ESS2: variants seen among roughly 807,000 people sequenced by gnomAD.
ESS2 encodes splicing factor ESS-2 homolog.
Under a neutral mutation model 52.0 loss-of-function variants are expected in ESS2, and 31 were observed. That is an observed-to-expected ratio of 0.60 (90% CI 0.45 to 0.81). The LOEUF (loss-of-function observed/expected upper bound fraction) is 0.81, where lower values mean the gene tolerates loss of function less well. Among genes scored for constraint, ESS2 ranks in the 30% least tolerant of loss-of-function variants. ESS2 has a pLI of 0.00. For missense variants in ESS2, 602 were observed against 637.2 expected (o/e 0.94, Z 0.59); for synonymous variants, 285 against 259.2 (o/e 1.10, Z -0.95).
chr22:19,144,518 T>G lies in ESS2; in HGVS notation c.123A>C (p.Glu41Asp), dbSNP rs1442997855. Reference protein sequence around the residue: ...ATSKQRVLDEEEYIEGLQTVI... With the variant: ...ATSKQRVLDEDEYIEGLQTVI... ...ACCGAGGTCGTACCTCGATATACTCTTCCTCGTCCAGGACCCGCTGCTTGC... is the reference window on the plus strand; with the variant it reads ...ACCGAGGTCGTACCTCGATATACTCGTCCTCGTCCAGGACCCGCTGCTTGC... Residue 41 changes from glutamate to aspartate, a missense_variant, in exon 1 of 10, where the codon GAA becomes GAC. By Grantham distance (45) the Glu-to-Asp change is conservative. Transcript: ENST00000252137. 8.1e-6 allele frequency: 13 copies of G among 1,610,590 alleles called. No individual in the cohort carries two copies. The highest frequency in any genetic ancestry group is 1.1e-5 in the Non-Finnish European group (13 of 1,178,826).
chr22:19,138,432 T>C (rs1218920136), intron 6 of ESS2, 115 bp from the exon 7 acceptor site: 2 of 997,422 alleles, frequency 2.0e-6, no homozygotes, highest in African/African-American at 3.2e-5. Context: ...AGGGCAAGGC[T>C]GGGGCTCTGG....
At chr22:19,134,553 C>T (rs2083548285) in intron 9 of ESS2, 78 bp from the exon 10 acceptor site, 2 of 1,402,690 alleles carry the variant, frequency 1.4e-6, no homozygotes. Flanking sequence ...CCTTGGCTCC[C>T]AGGAAGAGCC....
chr22:19,134,385 C>A lies in ESS2; in HGVS notation c.1242G>T (p.Leu414=). 1 of 1,611,804 alleles carries A rather than the reference C, an allele frequency of 6.2e-7. No homozygotes were observed. Among genetic ancestry groups the A allele is most frequent in the Non-Finnish European group, 8.5e-7 (1 of 1,179,190 alleles). Residue 414 remains leucine (L), a synonymous_variant, in exon 10 of 10, where the codon CTG becomes CTT. Transcript: ENST00000252137. The part of the protein sequence containing the change: ...RTASKYTDRA[L]RASYTPSPAR... ...CTGGGGATGGTGTGTAGCTGGCCCG[C>A]AGGGCCCGGTCTGTGTACTTGCTGG... is the stretch of plus-strand genomic sequence containing the variant.
rs962807666 is a variant in ESS2 at position 19,134,290 on chromosome 22, G to A, written c.1337C>T (p.Ser446Phe). 1.7e-5 allele frequency: 27 copies of A among 1,599,100 alleles called. No homozygotes were observed. The highest frequency in any genetic ancestry group is 2.3e-5 in the East Asian group (1 of 44,422). ...CTGTGTGAGAGGGGTGCGTGTGGCAGAGCCAGGCGCCGGTGTGCTTGTGGG... is the reference window on the plus strand; with the variant it reads ...CTGTGTGAGAGGGGTGCGTGTGGCAAAGCCAGGCGCCGGTGTGCTTGTGGG... ...QTPTSTPAPG[S>F]ATRTPLTQDP... is the part of the protein sequence containing the mutation. The change falls in exon 10 of 10, where the codon TCT (serine) becomes TTT (phenylalanine). Residue 446 changes from serine (S) to phenylalanine (F), a missense_variant. Ser to Phe is a radical substitution (Grantham distance 155). Transcript: ENST00000252137.
chr22:19,132,189 G>C lies in ESS2; in HGVS notation c.*2007C>G. The C allele has an allele frequency of 1.2e-6, 2 of 1,613,106 alleles. No homozygotes were observed. Among genetic ancestry groups the C allele is most frequent in the South Asian group, 2.2e-5 (2 of 91,054 alleles). ...CGACGTCAGCCAGCGGCTCCACATCGATGAGATCCTCAGCCACTCGTGGCT... is the reference window on the plus strand; with the variant it reads ...CGACGTCAGCCAGCGGCTCCACATCCATGAGATCCTCAGCCACTCGTGGCT... On this transcript the variant is annotated 3_prime_UTR_variant, in exon 10 of 10. Transcript: ENST00000252137. This position sits in a 1 kb window ranked among gnomAD's most constrained non-coding sequence, Gnocchi z 4.2.
chr22:19,138,863 G>C (rs559272360), intron 6 of ESS2, among the ~76,000 whole-genome samples: 1 of 152,150 alleles, frequency 6.6e-6, no homozygotes, highest in African/African-American at 2.4e-5. Context: ...TTCCCTGCCC[G>C]GTGTGTGGGC....
At chr22:19,138,425 G>A (rs140446137) in intron 6 of ESS2, 108 bp from the exon 7 acceptor site, 11,395 of 1,060,446 alleles carry the variant, frequency 0.011, 79 homozygotes, top group Non-Finnish European at 0.014. Flanking sequence ...TCTCCTCAGG[G>A]CAAGGCTGGG....
rs756466071 is a variant in ESS2, at chr22:19,132,043, C to T, written c.*2153G>A. 1.2e-6 allele frequency: 2 copies of T among 1,613,970 alleles called. No individual in the cohort carries two copies. The highest frequency in any genetic ancestry group is 1.7e-6 in the Non-Finnish European group (2 of 1,179,998). ...TACATCATGGTCTGCGGCTCCATGC[C>T]CTATGACGACTCCGACATCAGGAAG... On this transcript the variant is annotated 3_prime_UTR_variant, in exon 10 of 10. Coordinates refer to ENST00000252137, the MANE Select transcript of ESS2 (RefSeq NM_022719.3). The surrounding 1 kb of genome is among the most constrained non-coding windows in gnomAD (Gnocchi z 4.2).
chr22:19,137,801 C>T (rs985993322), intron 7 of ESS2: 3 of 985,410 alleles, frequency 3.0e-6, no homozygotes, highest in Non-Finnish European at 3.6e-6. Flanking sequence ...CACCAGCACC[C>T]AAGAGCACAG....
At chr22:19,142,925 G>A (rs1193163795) in intron 1 of ESS2, 31 bp from the exon 2 acceptor site, 16 of 1,595,818 alleles carry the variant, frequency 1.0e-5, no homozygotes, top group Middle Eastern at 1.7e-4. Flanking sequence ...GAAAGTCAGA[G>A]GCCAGGCGCG....
chr22:19,136,955 C>T (rs1464091275), intron 8 of ESS2, among the ~76,000 whole-genome samples: 1 of 152,132 alleles, frequency 6.6e-6, no homozygotes, highest in Non-Finnish European at 1.5e-5. Context: ...CAGCGTGTCC[C>T]AATCGTGTTC....
Position 19,134,310 on chromosome 22 carries a change from T to C in ESS2, c.1317A>G (p.Thr439=), listed in dbSNP as rs770720252. The part of the protein sequence containing the change: ...KTPASGLQTP[T]STPAPGSATR... ...TGGCAGAGCCAGGCGCCGGTGTGCT[T>C]GTGGGGGTCTGCAGCCCACTGGCCG... The change falls in exon 10 of 10, where the codon ACA becomes ACG. Residue 439 remains threonine, a synonymous_variant. Coordinates refer to ENST00000252137, the MANE Select transcript of ESS2 (RefSeq NM_022719.3). 2.4e-5 allele frequency: 39 copies of C among 1,607,820 alleles called. No individual in the cohort carries two copies. The highest frequency in any genetic ancestry group is 3.0e-5 in the Non-Finnish European group (35 of 1,176,956).
Position 19,131,304 on chromosome 22 carries a change from A to T in ESS2, c.*2892T>A. 1 of 1,149,080 alleles carries T rather than the reference A, an allele frequency of 8.7e-7. No individual in the cohort carries two copies. The highest frequency in any genetic ancestry group is 1.2e-6 in the Non-Finnish European group (1 of 800,560). 71.2% of individuals were successfully genotyped at this position (1,149,080 alleles called of 1,614,324 possible). A position where few individuals can be genotyped will look rare whatever the true frequency, so the allele number is the denominator to read the frequency against. On this transcript the variant is annotated 3_prime_UTR_variant, in exon 10 of 10. Coordinates refer to ENST00000252137, the MANE Select transcript of ESS2 (RefSeq NM_022719.3). This position sits in a 1 kb window ranked among gnomAD's most constrained non-coding sequence, Gnocchi z 5.7. ...GTCGAAGCCCAGCCCAGGGCAGCCC[A>T]GCCAGACGCCTCCGGTAGTGTAAAT...
intron 2 of ESS2, 31 bp downstream of exon 2, chr22:19,142,695 C>T (rs754048167): frequency 8.2e-5 from 132 of 1,610,116 alleles, no homozygotes; most frequent in Non-Finnish European, 1.0e-4. Context: ...AGCAGGCTTT[C>T]CCCTCTCCGC....
At chr22:19,137,476 C>T in intron 7 of ESS2, 44 bp from the exon 8 acceptor site, 1 of 1,401,136 alleles carries the variant, frequency 7.1e-7, no homozygotes, top group Non-Finnish European at 9.9e-7. Context: ...AGAGGACTCC[C>T]CACCACCCTC....
At chr22:19,140,093 C>A in intron 3 of ESS2, 69 bp from the exon 4 acceptor site, 1 of 1,570,218 alleles carries the variant, frequency 6.4e-7, no homozygotes, top group Non-Finnish European at 8.7e-7. Context: ...ACACCCAGGC[C>A]CAGGAATCAT....
At position 19,144,622 on chromosome 22, in the gene ESS2, A is replaced by C. The variant is rs114771984; in HGVS notation, c.19T>G (p.Ser7Ala). 1.5e-3 allele frequency: 2,316 copies of C among 1,542,878 alleles called. 38 individuals are homozygous for C. In the African/African-American group the frequency reaches 0.028, roughly 19 times the overall value. The change falls in exon 1 of 10, where the codon TCA becomes GCA. Residue 7 changes from serine to alanine, a missense_variant. Ser to Ala is a moderately conservative substitution (Grantham distance 99, BLOSUM62 1). Transcript: ENST00000252137. METPGA[S>A]ASSLLLPAAS... ...GCGGGAAGCAACAAGGACGACGCTG[A>C]TGCGCCCGGCGTCTCCATCGCTATC...
Position 19,143,202 on chromosome 22 carries a change from C to CAAA in ESS2, c.136-311_136-309dup, listed in dbSNP as rs10632625. Among the ~76,000 whole-genome samples the CAAA allele has an allele frequency of 5.2e-4, 59 of 112,898 alleles. 1 individual carries two copies. The East Asian group carries it at 8.3e-3, about 16-fold the overall frequency. The allele number at this position is 112,898 out of a possible 152,430, so 74.1% of individuals were successfully genotyped here. On this transcript the variant is annotated intron_variant, in intron 1 of 9. Transcript: ENST00000252137. ...CCTGGGCGACAGAGCGAGACCGTCT[C>CAAA]AAAAAAAAAAAAAAAAAAGAAAAAA...
In ESS2 at chr22:19,144,006, T is replaced by C. The variant is rs2083741110; in HGVS notation, c.135+500A>G. 3 of 986,278 alleles carry C rather than the reference T, an allele frequency of 3.0e-6. No homozygotes were observed. In the South Asian group the frequency reaches 1.4e-4, roughly 45 times the overall value. 61.1% of individuals were successfully genotyped at this position (986,278 alleles called of 1,614,324 possible). A position where few individuals can be genotyped will look rare whatever the true frequency, so the allele number is the denominator to read the frequency against. ...CAACCGTCCGTTAAAGCCATCCATC[T>C]ACATATCCCAAAAGGTGTCCCGAAT... is the stretch of plus-strand genomic sequence containing the variant. On this transcript the variant is annotated intron_variant, in intron 1 of 9. Coordinates refer to ENST00000252137, the MANE Select transcript of ESS2 (RefSeq NM_022719.3).
Sources: allele counts gnomAD v4.1 joint callset (sites outside exome capture counted in the v4.1 genomes callset), GRCh38; gene constraint gnomAD v4.1.1; non-coding constraint Gnocchi (gnomAD v3.1); transcripts MANE v1.5; gene names NCBI Gene and HGNC (gene_info 2026-07-23, HGNC 2026-07-21).